The following MARK4 variants were observed in gnomAD, a reference collection of about 807,000 sequenced individuals.
The protein encoded by MARK4 is MAP/microtubule affinity-regulating kinase 4.
Under a neutral mutation model 81.5 loss-of-function variants are expected in MARK4, and 19 were observed. The observed-to-expected ratio is 0.23, with a 90% CI of 0.16 to 0.34. The LOEUF (loss-of-function observed/expected upper bound fraction) is 0.34, where lower values mean the gene tolerates loss of function less well. Ranked by LOEUF, MARK4 falls within the 10% of genes least tolerant of loss-of-function variation. The pLI is 1.00. For synonymous variants in MARK4, 436 were observed against 439.0 expected (o/e 0.99, Z 0.08); for missense variants, 772 against 1,058.8 (o/e 0.73, Z 3.76).
chr19:45,282,955 G>A (rs1219311811), intron 12 of MARK4, among the ~76,000 whole-genome samples: 1 of 151,916 alleles, frequency 6.6e-6, no homozygotes, highest in African/African-American at 2.4e-5. Flanking sequence ...TCGCGCCACT[G>A]TACTCCAGCC....
At chr19:45,264,962 G>A (rs754602902) in intron 6 of MARK4, 52 bp downstream of exon 6, 49 of 1,588,394 alleles carry the variant, frequency 3.1e-5, no homozygotes, top group Non-Finnish European at 4.2e-5. Flanking sequence ...TCCCTGGGAG[G>A]GCGTCTGAGA....
At chr19:45,266,343 C>T in intron 7 of MARK4, 62 bp downstream of exon 7, 2 of 1,515,638 alleles carry the variant, frequency 1.3e-6, no homozygotes, top group Non-Finnish European at 1.8e-6. Context: ...TTCTCCCTGC[C>T]CCCACCCCTC....
chr19:45,294,498 A>C (rs749602221), intron 14 of MARK4, 46 bp downstream of exon 14: 1 of 1,523,224 alleles, frequency 6.6e-7, no homozygotes, highest in Admixed American at 1.7e-5. Flanking sequence ...AGTAGGGGGT[A>C]GGTGAACAGG....
intron 6 of MARK4, among the ~76,000 whole-genome samples, chr19:45,265,596 G>C (rs1284223843): frequency 6.6e-6 from 1 of 150,616 alleles, no homozygotes; most frequent in African/African-American, 2.4e-5. Context: ...CCAGGTGTGG[G>C]GTAAGAATAT....
At chr19:45,287,876 C>T (rs1429885597) in intron 13 of MARK4, 2 of 633,040 alleles carry the variant, frequency 3.2e-6, no homozygotes, top group Non-Finnish European at 5.7e-6. Context: ...AATTAGTGTT[C>T]TGTGTCAAAG....
rs116076745 is a variant in MARK4, at chr19:45,295,496, C to T, written c.1598+1044C>T. The stretch of plus-strand genomic sequence containing the variant: ...TCGGTAAAATGGGCTTGATGCTGGC[C>T]GGGCATGGTGGCTCACACCTGTAAT... On this transcript the variant is annotated intron_variant, in intron 14 of 16. Coordinates refer to ENST00000262891, the MANE Select transcript of MARK4 (RefSeq NM_001199867.2). Among the ~76,000 whole-genome samples, 1,084 of 152,164 alleles carry T rather than the reference C, an allele frequency of 7.1e-3. 13 individuals are homozygous for T. Among genetic ancestry groups the T allele is most frequent in the African/African-American group, 0.025 (1,048 of 41,486 alleles).
chr19:45,281,422 G>A (rs1362020606), intron 12 of MARK4, among the ~76,000 whole-genome samples: 1 of 147,694 alleles, frequency 6.8e-6, no homozygotes, highest in Non-Finnish European at 1.5e-5. Context: ...GTGCAGTGTC[G>A]TGATCTTGGC....
chr19:45,263,975 A>G (rs972938475), intron 4 of MARK4, among the ~76,000 whole-genome samples: 3 of 152,290 alleles, frequency 2.0e-5, no homozygotes, highest in African/African-American at 7.2e-5. Flanking sequence ...ACCAGCATCA[A>G]CATCCTCACT....
intron 12 of MARK4, among the ~76,000 whole-genome samples, chr19:45,287,062 G>A (rs926584349): frequency 2.6e-5 from 4 of 152,074 alleles, no homozygotes; most frequent in Non-Finnish European, 5.9e-5. Flanking sequence ...GTACAGGCCA[G>A]GTGGGGTGGC....
intron 1 of MARK4, among the ~76,000 whole-genome samples, chr19:45,254,677 C>T (rs1009886045): frequency 1.1e-4 from 17 of 152,204 alleles, no homozygotes; most frequent in Admixed American, 9.2e-4. Flanking sequence ...CAGGCAGTGG[C>T]GGACGCGTGG....
At chr19:45,298,671 C>G (rs1013658790) in intron 15 of MARK4, among the ~76,000 whole-genome samples, 1 of 152,166 alleles carries the variant, frequency 6.6e-6, no homozygotes, top group Non-Finnish European at 1.5e-5. Flanking sequence ...TACAAAACTC[C>G]TGCCCTGGCA....
intron 1 of MARK4, among the ~76,000 whole-genome samples, chr19:45,252,886 A>T (rs1292598693): frequency 6.6e-6 from 1 of 151,678 alleles, no homozygotes; most frequent in African/African-American, 2.4e-5. Context: ...GACTTCTCCT[A>T]GAAGCCCCCT....
At chr19:45,282,329 T>C (rs1417054556) in intron 12 of MARK4, among the ~76,000 whole-genome samples, 1 of 151,796 alleles carries the variant, frequency 6.6e-6, no homozygotes, top group African/African-American at 2.4e-5. Context: ...ATTTTAACCC[T>C]CTCTTCTATT....
At chr19:45,280,539 G>C in intron 11 of MARK4, 36 bp from the exon 12 acceptor site, 1 of 1,613,988 alleles carries the variant, frequency 6.2e-7, no homozygotes, top group Non-Finnish European at 8.5e-7. Context: ...GAGGGACTTG[G>C]GGTGCAGAAG....
Position 45,271,370 on chromosome 19 carries a change from C to T in MARK4, c.550-102C>T. 1 of 1,166,472 alleles carries T rather than the reference C, an allele frequency of 8.6e-7. No homozygotes were observed. Among genetic ancestry groups the T allele is most frequent in the Non-Finnish European group, 1.2e-6 (1 of 800,074 alleles). The allele number at this position is 1,166,472 out of a possible 1,614,324, so 72.3% of individuals were successfully genotyped here. ...AAAGGACAGGCCCAAGAGTTGATCC[C>T]TGTGGGCCAGCCCTAGAGCCTGTGC... On this transcript the variant is annotated intron_variant, in intron 7 of 16. Transcript: ENST00000262891. The surrounding 1 kb of genome is among the most constrained non-coding windows in gnomAD (Gnocchi z 4.1).
At chr19:45,281,360 T>TTC (rs1392797104) in intron 12 of MARK4, among the ~76,000 whole-genome samples, 29 of 100,614 alleles carry the variant, frequency 2.9e-4, no homozygotes, top group African/African-American at 1.1e-3. Flanking sequence ...TTTCTTTTCT[T>TTC]TTCTTTCTTT....
rs558074825 is a variant in MARK4, at chr19:45,267,823, G to A, written c.549+1542G>A. 1.2e-4 allele frequency among the ~76,000 whole-genome samples: 17 copies of A among 145,914 alleles called. No homozygotes were observed. The South Asian group carries it at 3.6e-3, about 31-fold the overall frequency. On this transcript the variant is annotated intron_variant, in intron 7 of 16. Coordinates refer to ENST00000262891, the MANE Select transcript of MARK4 (RefSeq NM_001199867.2). ...CCACAGGTGTGAGCCACAAAGCCTG[G>A]CTAATTTTTGAGTTTTTTGTAGACA...
chr19:45,266,761 C>G lies in MARK4; in HGVS notation c.549+480C>G, dbSNP rs1244757996. ...TTTTTTTTTTTTTTTGAGACAGAGT[C>G]TCACTCTGTCGCCCTGGCTGGAGTG... On this transcript the variant is annotated intron_variant, in intron 7 of 16. Coordinates refer to ENST00000262891, the MANE Select transcript of MARK4 (RefSeq NM_001199867.2). Among the ~76,000 whole-genome samples, 6 of 139,200 alleles carry G rather than the reference C, an allele frequency of 4.3e-5. No homozygotes were observed. In the East Asian group the frequency reaches 1.0e-3, roughly 24 times the overall value. 91.3% of individuals were successfully genotyped at this position (139,200 alleles called of 152,430 possible).
intron 8 of MARK4, among the ~76,000 whole-genome samples, chr19:45,277,611 C>G (rs975865021): frequency 1.3e-5 from 2 of 151,898 alleles, no homozygotes; most frequent in African/African-American, 4.8e-5. Context: ...GTTGCCCAGG[C>G]TGTTCTTGAA....
Sources: allele counts gnomAD v4.1 joint callset (sites outside exome capture counted in the v4.1 genomes callset), GRCh38; gene constraint gnomAD v4.1.1; non-coding constraint Gnocchi (gnomAD v3.1); transcripts MANE v1.5; gene names NCBI Gene and HGNC (gene_info 2026-07-23, HGNC 2026-07-21).